Variants in MALRD1 observed in about 807,000 individuals in gnomAD.
MALRD1 encodes MAM and LDL receptor class A domain containing 1.
Under a neutral mutation model 242.1 loss-of-function variants are expected in MALRD1, and 247 were observed. The ratio of observed to expected loss-of-function variants is 1.02; its 90% CI spans 0.92 to 1.13. The LOEUF is 1.13. MALRD1 is among the 50% of genes most tolerant of loss of function. The pLI, the probability that MALRD1 is intolerant of heterozygous loss-of-function variation, is 0.00. For missense variants in MALRD1, 2,989 were observed against 2,533.1 expected, an observed-to-expected ratio of 1.18 and a Z score of -3.86; for synonymous variants, 995 against 866.6, an observed-to-expected ratio of 1.15 and a Z score of -2.60.
intron 33 of MALRD1, among the ~76,000 whole-genome samples, chr10:19,578,288 G>A (rs1836929700): frequency 6.6e-6 from 1 of 152,180 alleles, no homozygotes; most frequent in Non-Finnish European, 1.5e-5. Flanking sequence ...AGCTGAAAAT[G>A]AGGGCCTGGG....
intron 7 of MALRD1, among the ~76,000 whole-genome samples, chr10:19,125,975 T>C (rs1837270413): frequency 6.6e-6 from 1 of 152,236 alleles, no homozygotes. Context: ...TGAGCTCCCA[T>C]AGTACCTGTA....
intron 26 of MALRD1, among the ~76,000 whole-genome samples, chr10:19,375,140 A>G (rs1845543691): frequency 1.3e-5 from 2 of 152,288 alleles, no homozygotes; most frequent in South Asian, 2.1e-4. Context: ...ACCATAACCA[A>G]TAACCAGGTC....
intron 2 of MALRD1, among the ~76,000 whole-genome samples, chr10:19,077,015 T>A (rs1489019970): frequency 6.6e-6 from 1 of 152,012 alleles, no homozygotes; most frequent in Non-Finnish European, 1.5e-5. Flanking sequence ...TGATTTTTAC[T>A]CATTAAAGTT....
intron 31 of MALRD1, among the ~76,000 whole-genome samples, chr10:19,510,005 A>G (rs1202853798): frequency 1.3e-5 from 2 of 152,102 alleles, no homozygotes; most frequent in South Asian, 4.1e-4. Flanking sequence ...TATCTCTACC[A>G]TCTTGGAGAG....
At chr10:19,589,810 G>A (rs1338710093) in intron 33 of MALRD1, among the ~76,000 whole-genome samples, 2 of 152,012 alleles carry the variant, frequency 1.3e-5, no homozygotes, top group Non-Finnish European at 2.9e-5. Context: ...TACTCTTTGG[G>A]GTATATGCGA....
intron 34 of MALRD1, among the ~76,000 whole-genome samples, chr10:19,607,136 C>T (rs1838677945): frequency 1.3e-5 from 2 of 152,128 alleles, no homozygotes. Flanking sequence ...GAAATGTTTG[C>T]CTATTGAAGT....
chr10:19,227,838 A>T (rs981790952), intron 18 of MALRD1, among the ~76,000 whole-genome samples: 3 of 152,190 alleles, frequency 2.0e-5, no homozygotes, highest in Admixed American at 2.0e-4. Flanking sequence ...TTAAAAAGAG[A>T]TGATATCTAA....
intron 24 of MALRD1, among the ~76,000 whole-genome samples, chr10:19,335,192 G>GTTT (rs397828429): frequency 4.4e-5 from 6 of 137,356 alleles, no homozygotes; most frequent in Admixed American, 7.3e-5. Flanking sequence ...GTTTTTTTTT[G>GTTT]TTTTTTTTTT....
At chr10:19,055,050 G>C (rs191352635) in intron 1 of MALRD1, among the ~76,000 whole-genome samples, 20 of 152,106 alleles carry the variant, frequency 1.3e-4, no homozygotes, top group Admixed American at 5.2e-4. Flanking sequence ...TCTGTATTCT[G>C]CCAGCACTTG....
At chr10:19,332,945 A>G (rs1476943840) in intron 24 of MALRD1, among the ~76,000 whole-genome samples, 4 of 152,124 alleles carry the variant, frequency 2.6e-5, no homozygotes, top group Non-Finnish European at 5.9e-5. Flanking sequence ...ACATAGGTAT[A>G]CACATGCCAT....
Position 19,099,122 on chromosome 10 carries a change from A to C in MALRD1, c.598-4857A>C, listed in dbSNP as rs550266444. Among the ~76,000 whole-genome samples the C allele has an allele frequency of 3.6e-4, 54 of 152,082 alleles. 1 individual carries two copies. The highest frequency in any genetic ancestry group is 6.6e-4 in the Non-Finnish European group (45 of 68,014). On this transcript the variant is annotated intron_variant, in intron 4 of 39. Coordinates refer to ENST00000454679, the MANE Select transcript of MALRD1 (RefSeq NM_001142308.3). ...GGAAGACGGAGCTTCTATATTGGTT[A>C]TGCCTGGCCCCCAGGTAGCCTTTTT...
At chr10:19,453,452 C>G (rs1835436527) in intron 29 of MALRD1, among the ~76,000 whole-genome samples, 1 of 152,120 alleles carries the variant, frequency 6.6e-6, no homozygotes, top group Non-Finnish European at 1.5e-5. Context: ...GATCATTGTA[C>G]AACTTCATAA....
At chr10:19,051,830 G>C (rs1834508093) in intron 1 of MALRD1, 1 of 158,484 alleles carries the variant, frequency 6.3e-6, no homozygotes, top group Non-Finnish European at 1.3e-5. Context: ...GCTGAGGCAG[G>C]AGAATGGTGT....
intron 29 of MALRD1, chr10:19,489,095 G>C (rs1397638769): frequency 6.5e-6 from 3 of 462,494 alleles, no homozygotes; most frequent in South Asian, 4.6e-5. Flanking sequence ...TCCGGAGCCA[G>C]AATGCCCAAG....
chr10:19,576,565 G>A (rs1216074021), intron 33 of MALRD1, among the ~76,000 whole-genome samples: 1 of 152,130 alleles, frequency 6.6e-6, no homozygotes, highest in African/African-American at 2.4e-5. Flanking sequence ...ATGCTAAGTG[G>A]TTAATTGCCT....
At chr10:19,337,734 A>G (rs1364856645) in intron 24 of MALRD1, among the ~76,000 whole-genome samples, 2 of 152,058 alleles carry the variant, frequency 1.3e-5, no homozygotes. Context: ...CTTTAGTTTT[A>G]TAGCAATTTT....
At chr10:19,466,767 A>G (rs1157137667) in intron 29 of MALRD1, among the ~76,000 whole-genome samples, 1 of 152,154 alleles carries the variant, frequency 6.6e-6, no homozygotes, top group African/African-American at 2.4e-5. Context: ...TGGGGTCCAG[A>G]TCCAAACACA....
intron 18 of MALRD1, among the ~76,000 whole-genome samples, chr10:19,228,428 T>C (rs892733529): frequency 6.6e-6 from 1 of 152,148 alleles, no homozygotes; most frequent in African/African-American, 2.4e-5. Flanking sequence ...AGAAAACATT[T>C]TGTGATGATG....
intron 38 of MALRD1, among the ~76,000 whole-genome samples, chr10:19,721,417 G>A (rs1834745631): frequency 6.6e-6 from 1 of 152,012 alleles, no homozygotes; most frequent in South Asian, 2.1e-4. Flanking sequence ...TAAACAAAAT[G>A]TAATGCAATA....
Sources: gnomAD v4.1 joint callset for allele counts (sites outside exome capture counted in the v4.1 genomes callset) on GRCh38, gnomAD v4.1.1 for gene constraint, MANE v1.5 for transcripts, NCBI Gene and HGNC (gene_info 2026-07-23, HGNC 2026-07-21) for gene names.